KIAA0319L: variants seen among roughly 807,000 people sequenced by gnomAD.
KIAA0319L encodes the protein KIAA0319 like, also known as dyslexia-associated protein KIAA0319-like protein.
KIAA0319L carries 55 observed loss-of-function variants against 120.1 expected under a neutral mutation model. The observed-to-expected ratio is 0.46, with a 90% confidence interval of 0.37 to 0.57. The LOEUF is 0.57. Among genes scored for constraint, KIAA0319L ranks in the 20% least tolerant of loss-of-function variants. The pLI is 0.00. For synonymous variants in KIAA0319L, 398 were observed against 471.9 expected, an observed-to-expected ratio of 0.84 and a Z score of 2.03; for missense variants, 1,049 against 1,255.3, an observed-to-expected ratio of 0.84 and a Z score of 2.48.
chr1:35,491,521 T>A (rs1174837863), intron 3 of KIAA0319L, among the ~76,000 whole-genome samples: 1 of 151,856 alleles, frequency 6.6e-6, no homozygotes, highest in East Asian at 1.9e-4. Context: ...ACTGAAACAA[T>A]GCAAGCTAGA....
intron 7 of KIAA0319L, among the ~76,000 whole-genome samples, chr1:35,465,913 C>T (rs1006883017): frequency 2.6e-5 from 4 of 152,162 alleles, no homozygotes; most frequent in African/African-American, 7.2e-5. Context: ...TAAGACGTGA[C>T]TTGCTCCTCC....
At chr1:35,440,978 G>T in intron 20 of KIAA0319L, 69 bp downstream of exon 20, 2 of 1,173,628 alleles carry the variant, frequency 1.7e-6, no homozygotes, top group East Asian at 2.3e-5. Flanking sequence ...ACTCAGGAGG[G>T]GCTAGTGACA....
chr1:35,494,735 C>T (rs754949663), intron 3 of KIAA0319L, among the ~76,000 whole-genome samples: 15 of 151,998 alleles, frequency 9.9e-5, no homozygotes, highest in Non-Finnish European at 1.9e-4. Context: ...CACCTGAGCC[C>T]GGAAGGTCAA....
intron 3 of KIAA0319L, among the ~76,000 whole-genome samples, chr1:35,493,527 CA>C (rs1644680234): frequency 6.6e-6 from 1 of 152,014 alleles, no homozygotes; most frequent in African/African-American, 2.4e-5. Context: ...CAAAAGACTG[CA>C]AGATCTGTAC....
intron 3 of KIAA0319L, among the ~76,000 whole-genome samples, chr1:35,492,736 A>G (rs1248500796): frequency 6.6e-6 from 1 of 152,122 alleles, no homozygotes; most frequent in Non-Finnish European, 1.5e-5. Context: ...GAATAGAAAA[A>G]TTCCCTACAG....
chr1:35,484,799 TATATA>T (rs1242360855), intron 3 of KIAA0319L, among the ~76,000 whole-genome samples: 13,618 of 56,366 alleles, frequency 0.24, 1,259 homozygotes, highest in Middle Eastern at 0.28. Context: ...TATATATATA[TATATA>T]TATTTTTTTT....
At chr1:35,548,954 G>A (rs1266118088) in intron 2 of KIAA0319L, among the ~76,000 whole-genome samples, 1 of 152,094 alleles carries the variant, frequency 6.6e-6, no homozygotes, top group African/African-American at 2.4e-5. Context: ...AGCTTCTCTA[G>A]AAGATGCTTC....
chr1:35,522,608 T>C (rs1477659748), intron 2 of KIAA0319L, among the ~76,000 whole-genome samples: 3 of 152,154 alleles, frequency 2.0e-5, no homozygotes, highest in African/African-American at 7.2e-5. Context: ...ATTTGTACAA[T>C]GTACCCGTAT....
At chr1:35,457,202 AGATGCAAGCATAGTTCTCT>A (rs1642535183) in intron 9 of KIAA0319L, among the ~76,000 whole-genome samples, 1 of 152,192 alleles carries the variant, frequency 6.6e-6, no homozygotes, top group African/African-American at 2.4e-5. Flanking sequence ...TAGTGAGCCA[AGATGCAAGCATAGTTCTCT>A]GATTCCAAAG....
intron 2 of KIAA0319L, among the ~76,000 whole-genome samples, chr1:35,507,499 G>A (rs960882032): frequency 6.6e-6 from 1 of 152,176 alleles, no homozygotes; most frequent in African/African-American, 2.4e-5. Context: ...GGAGGAAGAG[G>A]GCAGAGTCCC....
intron 9 of KIAA0319L, among the ~76,000 whole-genome samples, chr1:35,457,744 G>A (rs1400924354): frequency 6.6e-6 from 1 of 152,140 alleles, no homozygotes; most frequent in Admixed American, 6.5e-5. Context: ...CGTCAGTGAG[G>A]TTTTATCCTG....
chr1:35,443,061 A>G (rs372512432), intron 17 of KIAA0319L, 33 bp from the exon 18 acceptor site: 148 of 1,613,796 alleles, frequency 9.2e-5, no homozygotes, highest in South Asian at 6.0e-4. Flanking sequence ...GAAAGTCAAC[A>G]AGACTCAGCC....
chr1:35,536,770 A>C (rs1036553288), intron 2 of KIAA0319L, among the ~76,000 whole-genome samples: 1 of 152,202 alleles, frequency 6.6e-6, no homozygotes, highest in African/African-American at 2.4e-5. Flanking sequence ...TGTAGCTGAA[A>C]ATAGCTCTCC....
At chr1:35,552,962 C>T (rs1647375769) in intron 2 of KIAA0319L, among the ~76,000 whole-genome samples, 1 of 152,040 alleles carries the variant, frequency 6.6e-6, no homozygotes, top group Non-Finnish European at 1.5e-5. Context: ...TGGTGTGCGC[C>T]TGTAATTCCA....
At chr1:35,455,981 G>A in intron 10 of KIAA0319L, 32 bp downstream of exon 10, 2 of 1,531,980 alleles carry the variant, frequency 1.3e-6, no homozygotes, top group Non-Finnish European at 1.8e-6. Context: ...ACTTCTCTTG[G>A]GCAAGAAAAA....
chr1:35,492,885 A>G (rs1360863866), intron 3 of KIAA0319L, among the ~76,000 whole-genome samples: 1 of 152,068 alleles, frequency 6.6e-6, no homozygotes, highest in Non-Finnish European at 1.5e-5. Flanking sequence ...GAGGCCTGGC[A>G]TGGCGGCTCA....
chr1:35,546,416 C>G (rs1302946079), intron 2 of KIAA0319L, among the ~76,000 whole-genome samples: 1 of 152,148 alleles, frequency 6.6e-6, no homozygotes, highest in Non-Finnish European at 1.5e-5. Context: ...AGTAGTTACC[C>G]TGGCAAAAGC....
At chr1:35,447,103 TCTC>T (rs1254367775) in intron 16 of KIAA0319L, among the ~76,000 whole-genome samples, 1 of 152,098 alleles carries the variant, frequency 6.6e-6, no homozygotes, top group East Asian at 1.9e-4. Context: ...TTTAATTTCT[TCTC>T]CTCTTCTTCC....
intron 2 of KIAA0319L, among the ~76,000 whole-genome samples, chr1:35,532,679 C>T (rs543589808): frequency 6.6e-6 from 1 of 152,264 alleles, no homozygotes; most frequent in East Asian, 1.9e-4. Context: ...AGTTCCTCTC[C>T]CTGCCCACGC....
Sources: gnomAD v4.1 joint callset for allele counts (sites outside exome capture counted in the v4.1 genomes callset) on GRCh38, gnomAD v4.1.1 for gene constraint, MANE v1.5 for transcripts, NCBI Gene and HGNC (gene_info 2026-07-23, HGNC 2026-07-21) for gene names.